The following CXADR variants were observed in gnomAD, a reference collection of about 807,000 sequenced individuals.
CXADR encodes coxsackievirus and adenovirus receptor.
CXADR carries 20 observed loss-of-function variants against 40.3 expected under a neutral mutation model. That is an observed-to-expected ratio of 0.50 (90% CI 0.35 to 0.72). The LOEUF is 0.72. Among genes scored for constraint, CXADR ranks in the 30% least tolerant of loss-of-function variants. The pLI is 0.01. For synonymous variants in CXADR, 150 were observed against 161.3 expected, an observed-to-expected ratio of 0.93 and a Z score of 0.53; for missense variants, 332 against 449.1, an observed-to-expected ratio of 0.74 and a Z score of 2.36.
chr21:17,527,682 C>G (rs1271319608), intron 1 of CXADR, among the ~76,000 whole-genome samples: 1 of 152,180 alleles, frequency 6.6e-6, no homozygotes, highest in Non-Finnish European at 1.5e-5. Context: ...TCCTTCCATG[C>G]CTTAACTGGC....
chr21:17,553,687 T>C (rs1347280569), intron 3 of CXADR, among the ~76,000 whole-genome samples: 2 of 151,120 alleles, frequency 1.3e-5, no homozygotes, highest in Non-Finnish European at 2.9e-5. Flanking sequence ...AGTGGCATGA[T>C]CTCGGCTCAC....
chr21:17,546,939 A>G (rs1295079692), intron 1 of CXADR, 88 bp from the exon 2 acceptor site: 7 of 1,495,616 alleles, frequency 4.7e-6, no homozygotes, highest in African/African-American at 2.8e-5. Context: ...CCCTCGCATC[A>G]ATGTGCTGCT....
rs184644631 is a variant in CXADR, at chr21:17,577,999, G to A, written c.1017+12388G>A. ...TTTTAAGGCTGAGTGATATTCCATA[G>A]TATTTAGATACCATTTTCTTAATCT... On this transcript the variant is annotated intron_variant, in intron 7 of 7. Transcript: ENST00000400169. 9.2e-5 allele frequency among the ~76,000 whole-genome samples: 14 copies of A among 152,080 alleles called. No individual in the cohort carries two copies. The East Asian group carries it at 1.2e-3, about 13-fold the overall frequency.
chr21:17,516,926 T>C (rs1600937265), intron 1 of CXADR, among the ~76,000 whole-genome samples: 2 of 152,116 alleles, frequency 1.3e-5, no homozygotes, highest in Non-Finnish European at 2.9e-5. Context: ...TAGATAAACA[T>C]ACACAATTTT....
downstream of CXADR, among the ~76,000 whole-genome samples, chr21:17,573,038 G>A (rs1276352126): frequency 6.6e-6 from 1 of 152,152 alleles, no homozygotes; most frequent in Admixed American, 6.5e-5. Flanking sequence ...AGTTCTGGAG[G>A]TGGAAGTCCA....
intron 7 of CXADR, among the ~76,000 whole-genome samples, chr21:17,591,625 G>T (rs2061435591): frequency 6.6e-6 from 1 of 151,652 alleles, no homozygotes; most frequent in Admixed American, 6.6e-5. Context: ...AAATATCCAA[G>T]TTTAACCTAT....
At chr21:17,571,511 A>G (rs1195157673), downstream of CXADR, among the ~76,000 whole-genome samples, 1 of 152,228 alleles carries the variant, frequency 6.6e-6, no homozygotes, top group Non-Finnish European at 1.5e-5. Flanking sequence ...AAGCTGATTA[A>G]ACTGAGACAA....
At chr21:17,629,644 T>C in the CXADR span, among the ~76,000 whole-genome samples, 2 of 151,962 alleles carry the variant, frequency 1.3e-5, no homozygotes, top group Non-Finnish European at 2.9e-5. Flanking sequence ...TAATTCATAC[T>C]CCAATATAGG....
At chr21:17,513,265 G>T in intron 1 of CXADR, 93 bp downstream of exon 1, 1 of 1,227,362 alleles carries the variant, frequency 8.1e-7, no homozygotes, top group Non-Finnish European at 1.0e-6. Context: ...TGGGGGAGGG[G>T]GCGGGCGCGA....
chr21:17,546,985 C>T (rs375964090), intron 1 of CXADR, 42 bp from the exon 2 acceptor site: 24 of 1,605,114 alleles, frequency 1.5e-5, no homozygotes, highest in Admixed American at 6.7e-5. Flanking sequence ...GGGCTGTCAG[C>T]GTATAGCAAA....
chr21:17,590,765 C>T (rs934779164), intron 7 of CXADR, among the ~76,000 whole-genome samples: 2 of 152,038 alleles, frequency 1.3e-5, no homozygotes, highest in African/African-American at 4.8e-5. Context: ...AAGTTAAAGA[C>T]TGTGACAGAC....
At chr21:17,558,019 A>T (rs1030683207) in intron 3 of CXADR, among the ~76,000 whole-genome samples, 2 of 152,168 alleles carry the variant, frequency 1.3e-5, no homozygotes, top group Admixed American at 1.3e-4. Flanking sequence ...GTTGCAGGTA[A>T]TGGAGTTAGT....
rs1266477244 is a variant in CXADR, at chr21:17,568,987, TA to T, written c.*3300del. The T allele has an allele frequency of 1.3e-5, 13 of 983,626 alleles. No homozygotes were observed. The highest frequency in any genetic ancestry group is 1.7e-5 in the African/African-American group (1 of 57,196). The allele number at this position is 983,626 out of a possible 1,614,324, so 60.9% of individuals were successfully genotyped here. On this transcript the variant is annotated 3_prime_UTR_variant, in exon 7 of 7. Transcript: ENST00000284878. The stretch of plus-strand genomic sequence containing the variant: ...ATATAAAGAGATACCTGATTTTTAT[TA>T]AAAAGATACTTTTTCAAATTTAAGA...
chr21:17,607,215 T>C, the CXADR span, among the ~76,000 whole-genome samples: 1 of 152,200 alleles, frequency 6.6e-6, no homozygotes, highest in Non-Finnish European at 1.5e-5. Context: ...GGAAATGAAA[T>C]TGTACACTGT....
the CXADR span, chr21:17,604,217 C>T: frequency 1.7e-5 from 14 of 810,726 alleles, no homozygotes; most frequent in Middle Eastern, 3.7e-4. Flanking sequence ...CCAAGGCGGG[C>T]GGATCACGAG....
chr21:17,632,699 C>T, the CXADR span, among the ~76,000 whole-genome samples: 4 of 151,928 alleles, frequency 2.6e-5, no homozygotes, highest in East Asian at 5.8e-4. Flanking sequence ...AACCCCATCT[C>T]TACTAAAAAT....
At chr21:17,532,264 G>T (rs1462044145) in intron 1 of CXADR, among the ~76,000 whole-genome samples, 1 of 151,872 alleles carries the variant, frequency 6.6e-6, no homozygotes, top group Non-Finnish European at 1.5e-5. Context: ...CTTTTTTGAG[G>T]GCTTGATCTT....
At chr21:17,605,644 G>A in the CXADR span, among the ~76,000 whole-genome samples, 1 of 152,086 alleles carries the variant, frequency 6.6e-6, no homozygotes, top group Admixed American at 6.5e-5. Context: ...AATTAAGTGA[G>A]GAAAATTTCT....
At chr21:17,619,412 T>C in the CXADR span, among the ~76,000 whole-genome samples, 19 of 152,112 alleles carry the variant, frequency 1.2e-4, no homozygotes, top group South Asian at 3.7e-3. Flanking sequence ...CTACTAAAAA[T>C]ACAAAATACA....
Sources: allele counts gnomAD v4.1 joint callset (sites outside exome capture counted in the v4.1 genomes callset), GRCh38; gene constraint gnomAD v4.1.1; transcripts MANE v1.5; gene names NCBI Gene and HGNC (gene_info 2026-07-23, HGNC 2026-07-21).